The following INSL6 variants were observed in gnomAD, a reference collection of about 807,000 sequenced individuals.
INSL6 encodes insulin-like peptide INSL6.
Under a neutral mutation model 9.4 loss-of-function variants are expected in INSL6, and 16 were observed. That is an observed-to-expected ratio of 1.70 (90% confidence interval 1.15 to 2.59). The LOEUF (loss-of-function observed/expected upper bound fraction) is 2.59, where lower values mean the gene tolerates loss of function less well. Ranked by LOEUF, INSL6 falls within the 30% of genes most tolerant of loss-of-function variation. INSL6 has a pLI of 0.00. For missense variants in INSL6, 391 were observed against 257.3 expected, an observed-to-expected ratio of 1.52 and a Z score of -3.56; for synonymous variants, 154 against 96.9, an observed-to-expected ratio of 1.59 and a Z score of -3.46.
chr9:5,175,353 T>C (rs1031225916), intron 1 of INSL6, among the ~76,000 whole-genome samples: 5 of 152,158 alleles, frequency 3.3e-5, no homozygotes, highest in African/African-American at 1.2e-4. Context: ...TCTAAGACCC[T>C]CCCTAACAGG....
Position 5,177,069 on chromosome 9 carries a change from T to C in INSL6, c.289+8245A>G, listed in dbSNP as rs551937556. ...TGACTTTATGTAATAAAGAGGTCAA[T>C]GGGGTCGGGGGGAGTTGGGTGCACA... On this transcript the variant is annotated intron_variant, in intron 1 of 1. Transcript: ENST00000381641. Among the ~76,000 whole-genome samples, 447 of 152,212 alleles carry C rather than the reference T, an allele frequency of 2.9e-3. 3 individuals carry two copies. The highest frequency in any genetic ancestry group is 0.01 in the African/African-American group (425 of 41,534).
the INSL6 span, among the ~76,000 whole-genome samples, chr9:5,053,659 T>G: frequency 6.6e-6 from 1 of 152,070 alleles, no homozygotes; most frequent in Non-Finnish European, 1.5e-5. Flanking sequence ...TGGAAATGGC[T>G]ATGTACATGC....
intron 1 of INSL6, among the ~76,000 whole-genome samples, chr9:5,176,963 A>G (rs1012669447): frequency 4.6e-5 from 7 of 152,208 alleles, no homozygotes; most frequent in African/African-American, 1.7e-4. Context: ...AAATTAACCA[A>G]TGATACTGTA....
the INSL6 span, chr9:5,111,298 T>G: frequency 2.1e-6 from 1 of 473,434 alleles, no homozygotes; most frequent in Non-Finnish European, 4.1e-6. Context: ...CCGGGCAAGC[T>G]GGCCCTCAGC....
chr9:5,087,826 A>G, the INSL6 span, among the ~76,000 whole-genome samples: 1,542 of 152,312 alleles, frequency 0.01, 18 homozygotes, highest in African/African-American at 0.035. Flanking sequence ...ATGTACACAA[A>G]TATTTATTTA....
chr9:5,131,173 A>G (rs954493044), intron 3 of INSL6, among the ~76,000 whole-genome samples: 1 of 152,212 alleles, frequency 6.6e-6, no homozygotes, highest in Non-Finnish European at 1.5e-5. Flanking sequence ...TAATGAAAAT[A>G]CTTAGTGGAA....
chr9:5,068,494 T>G, the INSL6 span, among the ~76,000 whole-genome samples: 1 of 152,210 alleles, frequency 6.6e-6, no homozygotes, highest in Non-Finnish European at 1.5e-5. Flanking sequence ...GAACTGAGTT[T>G]TGATGAATGA....
At chr9:5,178,970 A>G (rs550755833) in intron 1 of INSL6, among the ~76,000 whole-genome samples, 5 of 152,222 alleles carry the variant, frequency 3.3e-5, no homozygotes, top group African/African-American at 1.2e-4. Context: ...TCAAAACAAA[A>G]ACACCAAAAG....
In INSL6 at chr9:5,132,636, G is replaced by A. The variant is rs143459838; in HGVS notation, c.*10+789C>T. 6.5e-4 allele frequency among the ~76,000 whole-genome samples: 99 copies of A among 152,074 alleles called. 3 individuals are homozygous for A. In the South Asian group the frequency reaches 0.01, roughly 16 times the overall value. ...TCACCCATCAATACTGACAGTGCAA[G>A]CTACGTACAACTTCAAGTTGCATCA... On this transcript the variant is annotated intron_variant, in intron 3 of 3. Coordinates refer to the INSL6 transcript ENST00000649639.
chr9:5,182,223 C>T (rs962990038), intron 1 of INSL6, among the ~76,000 whole-genome samples: 1 of 151,970 alleles, frequency 6.6e-6, no homozygotes, highest in African/African-American at 2.4e-5. Context: ...GAGTATTATG[C>T]AGTAGTTAGA....
chr9:4,997,043 C>G, the INSL6 span, among the ~76,000 whole-genome samples: 2 of 151,166 alleles, frequency 1.3e-5, no homozygotes, highest in Admixed American at 6.6e-5. Flanking sequence ...ATCCTCCTAC[C>G]TCAGCCTCCT....
Position 5,185,513 on chromosome 9 carries a change from C to G in INSL6, c.90G>C (p.Arg30Ser), listed in dbSNP as rs761160232. ...TCACCAAGTACCTGCCGCACAGCTT[C>G]CTGGCACTGCTGATGTCGCTCAGTT... ...SRELSDISSARKLCGRYLVKE... is the reference protein window; with the variant it reads ...SRELSDISSASKLCGRYLVKE... Residue 30 changes from arginine to serine, a missense_variant, in exon 1 of 2, where the codon AGG becomes AGC. Coordinates refer to ENST00000381641, the MANE Select transcript of INSL6 (RefSeq NM_007179.3). The G allele has an allele frequency of 1.2e-6, 2 of 1,614,210 alleles. No homozygotes were observed. The highest frequency in any genetic ancestry group is 1.7e-6 in the Non-Finnish European group (2 of 1,180,040).
the INSL6 span, among the ~76,000 whole-genome samples, chr9:5,035,547 G>A: frequency 6.6e-6 from 1 of 152,164 alleles, no homozygotes; most frequent in African/African-American, 2.4e-5. Flanking sequence ...GATCAAGTGG[G>A]CTTCATGCCT....
chr9:5,127,147 A>G (rs1824051196), intron 3 of INSL6: 2 of 260,074 alleles, frequency 7.7e-6, no homozygotes, highest in Admixed American at 1.1e-4. Context: ...AGATGCACAG[A>G]ATATGTATGT....
At chr9:5,151,513 G>A (rs1433808185) in intron 2 of INSL6, among the ~76,000 whole-genome samples, 2 of 152,062 alleles carry the variant, frequency 1.3e-5, no homozygotes, top group Non-Finnish European at 2.9e-5. Context: ...GACGGGGGGT[G>A]GGGATGGAAA....
chr9:5,080,215 G>A, the INSL6 span: 28 of 1,594,346 alleles, frequency 1.8e-5, no homozygotes, highest in Middle Eastern at 3.3e-4. Flanking sequence ...TACTCTGTTC[G>A]TATCATTTAA....
chr9:5,031,293 G>A, the INSL6 span, among the ~76,000 whole-genome samples: 4 of 152,114 alleles, frequency 2.6e-5, no homozygotes, highest in Non-Finnish European at 5.9e-5. Flanking sequence ...TTTGTCCCAG[G>A]AGATATTTTC....
chr9:5,165,713 T>A (rs1825037120), intron 1 of INSL6, among the ~76,000 whole-genome samples: 1 of 152,198 alleles, frequency 6.6e-6, no homozygotes. Context: ...CTAGGTACAA[T>A]GAACTGATTG....
the INSL6 span, among the ~76,000 whole-genome samples, chr9:5,013,649 C>T: frequency 6.6e-6 from 1 of 152,104 alleles, no homozygotes; most frequent in East Asian, 1.9e-4. Flanking sequence ...TTTTTCATTA[C>T]TTGTCAAAAT....
Sources: gnomAD v4.1 joint callset for allele counts (sites outside exome capture counted in the v4.1 genomes callset) on GRCh38, gnomAD v4.1.1 for gene constraint, MANE v1.5 for transcripts, NCBI Gene and HGNC (gene_info 2026-07-23, HGNC 2026-07-21) for gene names.